KLHL20: variants seen among roughly 807,000 people sequenced by gnomAD.
KLHL20 encodes the protein kelch like family member 20.
In KLHL20, 29 loss-of-function variants were observed where a neutral mutation model predicts 69.5. The ratio of observed to expected loss-of-function variants is 0.42; its 90% CI spans 0.31 to 0.57. KLHL20 has a LOEUF of 0.57. Among genes scored for constraint, KLHL20 ranks in the 20% least tolerant of loss-of-function variants. The probability of loss-of-function intolerance (pLI) is 0.18; values close to 1 mark genes in which losing one functional copy is unlikely to be tolerated. For missense variants in KLHL20, 419 were observed against 776.0 expected (o/e 0.54, Z 5.47); for synonymous variants, 253 against 265.2 (o/e 0.95, Z 0.45).
At chr1:173,757,487 C>G (rs1178515240) in intron 7 of KLHL20, among the ~76,000 whole-genome samples, 2 of 151,840 alleles carry the variant, frequency 1.3e-5, no homozygotes, top group Non-Finnish European at 2.9e-5. Flanking sequence ...CCCTGGGATA[C>G]TTCTGCCACT....
chr1:173,780,638 G>A (rs1157324523), intron 10 of KLHL20, among the ~76,000 whole-genome samples: 1 of 152,132 alleles, frequency 6.6e-6, no homozygotes, highest in Non-Finnish European at 1.5e-5. Flanking sequence ...TTATCCAGAT[G>A]TAGTGGTGCA....
At chr1:173,744,520 T>C (rs1672970196) in intron 3 of KLHL20, among the ~76,000 whole-genome samples, 2 of 147,848 alleles carry the variant, frequency 1.4e-5, no homozygotes, top group Admixed American at 1.4e-4. Context: ...TCTTTTCTTT[T>C]ATGGTATCTG....
At chr1:173,753,767 A>G (rs1673410968) in intron 5 of KLHL20, among the ~76,000 whole-genome samples, 1 of 152,234 alleles carries the variant, frequency 6.6e-6, no homozygotes, top group African/African-American at 2.4e-5. Context: ...AAACAGCTGT[A>G]GAAAGATTTT....
In KLHL20 at chr1:173,786,599, G is replaced by A. The variant is rs1012079859; in HGVS notation, c.*1352G>A. ...TTTGCACCTTTTTCAAGGAAAAAAA[G>A]TATTGAGTAAACAATTGTTTACATA... is the stretch of plus-strand genomic sequence containing the variant. On this transcript the variant is annotated 3_prime_UTR_variant, in exon 12 of 12. Transcript: ENST00000209884. 2.6e-5 allele frequency: 4 copies of A among 152,390 alleles called. No individual in the cohort carries two copies. The highest frequency in any genetic ancestry group is 1.3e-4 in the Admixed American group (2 of 15,250). The allele number at this position is 152,390 out of a possible 1,614,324, so 9.4% of individuals were successfully genotyped here.
At chr1:173,747,453 A>G (rs1180558227) in intron 3 of KLHL20, among the ~76,000 whole-genome samples, 2 of 152,170 alleles carry the variant, frequency 1.3e-5, no homozygotes, top group East Asian at 3.9e-4. Flanking sequence ...TTTGTCTGAT[A>G]TCTGGATTTC....
At chr1:173,774,280 T>C in intron 8 of KLHL20, 25 bp from the exon 9 acceptor site, 2 of 1,614,008 alleles carry the variant, frequency 1.2e-6, no homozygotes, top group Non-Finnish European at 8.5e-7. Flanking sequence ...AGAACAAGCA[T>C]ACAGTCTGGT....
intron 3 of KLHL20, 182 bp downstream of exon 3, chr1:173,734,468 CAAGTT>C (rs1480102762): frequency 1.0e-4 from 65 of 625,238 alleles, no homozygotes; most frequent in Non-Finnish European, 3.4e-5. Context: ...GTTCTACCAG[CAAGTT>C]AAGATTTAGG....
intron 7 of KLHL20, among the ~76,000 whole-genome samples, chr1:173,765,051 CTT>C (rs755673727): frequency 7.2e-5 from 11 of 152,016 alleles, no homozygotes; most frequent in Non-Finnish European, 1.0e-4. Context: ...ATTAATATAA[CTT>C]ATATGCATTT....
intron 10 of KLHL20, among the ~76,000 whole-genome samples, chr1:173,777,663 A>G (rs977238664): frequency 2.0e-5 from 3 of 152,146 alleles, no homozygotes; most frequent in Non-Finnish European, 4.4e-5. Flanking sequence ...CATCAATTGA[A>G]ATGATTATTT....
In KLHL20 at chr1:173,782,202, G is replaced by A; in HGVS notation, c.1717G>A (p.Val573Ile). 6.2e-7 allele frequency: 1 copy of A among 1,613,930 alleles called. No individual in the cohort carries two copies. Among genetic ancestry groups the A allele is most frequent in the East Asian group, 2.2e-5 (1 of 44,866 alleles). ...DGTTYLKTIE[V>I]FDPDANTWRL... ...CACAACATACTTGAAGACCATAGAA[G>A]TTTTTGATCCTGATGCCAATACATG... The change falls in exon 11 of 12, where the codon GTT (valine) becomes ATT (isoleucine). Residue 573 changes from valine (V) to isoleucine (I), a missense_variant. Val to Ile is a conservative substitution (Grantham distance 29). This residue lies in a region of KLHL20 where 79 missense variants were observed against 154.4 expected (regional missense o/e 0.51). Transcript: ENST00000209884.
chr1:173,758,946 C>G lies in KLHL20; in HGVS notation c.1151+1787C>G, dbSNP rs138923266. On this transcript the variant is annotated intron_variant, in intron 7 of 11. Transcript: ENST00000209884. ...GCAGGGGGAAAACTAAAGCCCTTTT[C>G]TCTTGCAGCTGGGAGGCGGATAGCC... Among the ~76,000 whole-genome samples the G allele has an allele frequency of 5.9e-5, 9 of 152,302 alleles. No homozygotes were observed. In the East Asian group the frequency reaches 1.7e-3, roughly 29 times the overall value.
intron 2 of KLHL20, among the ~76,000 whole-genome samples, chr1:173,723,630 A>G (rs1295178425): frequency 2.6e-5 from 4 of 152,176 alleles, no homozygotes; most frequent in Admixed American, 6.5e-5. Context: ...TGTCCTTTGC[A>G]GGCTAGATAT....
At chr1:173,766,070 A>G (rs1156507066) in intron 7 of KLHL20, 76 bp from the exon 8 acceptor site, 7 of 1,165,480 alleles carry the variant, frequency 6.0e-6, no homozygotes, top group Non-Finnish European at 8.1e-6. Flanking sequence ...ATATAAATCC[A>G]TGGATTTAGA....
chr1:173,778,508 G>GT (rs397943152), intron 10 of KLHL20, among the ~76,000 whole-genome samples: 33,074 of 146,702 alleles, frequency 0.23, 4,152 homozygotes, highest in Middle Eastern at 0.39. Flanking sequence ...TTTGTTTTTT[G>GT]TTTTTTTTTT....
chr1:173,727,341 C>T (rs1033324969), intron 2 of KLHL20, among the ~76,000 whole-genome samples: 2 of 152,116 alleles, frequency 1.3e-5, no homozygotes, highest in African/African-American at 2.4e-5. Context: ...ATATTATCCA[C>T]GAGAACTTCC....
chr1:173,740,694 G>A (rs551654342), intron 3 of KLHL20, among the ~76,000 whole-genome samples: 267 of 151,862 alleles, frequency 1.8e-3, no homozygotes, highest in Non-Finnish European at 3.0e-3. Context: ...ATGTATTTGC[G>A]TGGTTTTGAG....
At chr1:173,753,103 A>T in intron 4 of KLHL20, 110 bp from the exon 5 acceptor site, 1 of 801,050 alleles carries the variant, frequency 1.2e-6, no homozygotes, top group Non-Finnish European at 2.0e-6. Flanking sequence ...AGCCCAGGAG[A>T]TTGAGGCTGC....
At chr1:173,779,212 G>C (rs369493170) in intron 10 of KLHL20, among the ~76,000 whole-genome samples, 29 of 152,108 alleles carry the variant, frequency 1.9e-4, no homozygotes, top group East Asian at 9.6e-4. Flanking sequence ...GGTCATTCAG[G>C]ATGCTTTTAG....
At chr1:173,776,605 C>A (rs1479806949) in intron 10 of KLHL20, among the ~76,000 whole-genome samples, 3 of 151,902 alleles carry the variant, frequency 2.0e-5, no homozygotes, top group Non-Finnish European at 4.4e-5. Context: ...TTGTATATGG[C>A]AAAAAATGGG....
Sources: allele counts gnomAD v4.1 joint callset (sites outside exome capture counted in the v4.1 genomes callset), GRCh38; gene constraint gnomAD v4.1.1; regional missense constraint gnomAD v4.1.1; transcripts MANE v1.5; gene names NCBI Gene and HGNC (gene_info 2026-07-23, HGNC 2026-07-21).